DAB1: variants seen among roughly 807,000 people sequenced by gnomAD.
DAB1 encodes the protein DAB adaptor protein 1, also known as disabled homolog 1.
In DAB1, 15 loss-of-function variants were observed where a neutral mutation model predicts 64.6. The ratio of observed to expected loss-of-function variants is 0.23; its 90% confidence interval spans 0.16 to 0.36. The LOEUF (loss-of-function observed/expected upper bound fraction) is 0.36, where lower values mean the gene tolerates loss of function less well. Among genes scored for constraint, DAB1 ranks in the 10% least tolerant of loss-of-function variants. The pLI, the probability that DAB1 is intolerant of heterozygous loss-of-function variation, is 1.00. For synonymous variants in DAB1, 235 were observed against 251.9 expected (o/e 0.93, Z 0.64); for missense variants, 596 against 706.7 (o/e 0.84, Z 1.78).
intron 7 of DAB1, among the ~76,000 whole-genome samples, chr1:57,478,716 C>A (rs1643971488): frequency 6.6e-6 from 1 of 151,450 alleles, no homozygotes; most frequent in Admixed American, 6.6e-5. Flanking sequence ...CCTCAGCCTC[C>A]CAAGTAGCTG....
At chr1:58,227,902 TCTG>T (rs1032694200) in intron 4 of DAB1, among the ~76,000 whole-genome samples, 66 of 152,328 alleles carry the variant, frequency 4.3e-4, no homozygotes, top group African/African-American at 1.6e-3. Context: ...ATTTCCCCCC[TCTG>T]CTGACAACTC....
intron 6 of DAB1, among the ~76,000 whole-genome samples, chr1:57,712,751 A>G (rs553276235): frequency 1.3e-5 from 2 of 152,314 alleles, no homozygotes; most frequent in South Asian, 4.1e-4. Context: ...TCTAACCCAG[A>G]ACATTCATTT....
In DAB1 at chr1:57,889,900, G is replaced by GA. The variant is rs1553139925; in HGVS notation, n.388-5739_388-5738insT. On this transcript the variant is annotated intron_variant and non_coding_transcript_variant, in intron 5 of 20. Transcript: ENST00000485760. Reference sequence around the variant, plus strand: ...CGCAGATGGTAGCACAAACTGGGGCGGGGGGGGGGGAGGGGGAAGAAATCA... The same window carrying GA: ...CGCAGATGGTAGCACAAACTGGGGCGAGGGGGGGGGGAGGGGGAAGAAATCA... 4.6e-3 allele frequency among the ~76,000 whole-genome samples: 279 copies of GA among 60,564 alleles called. 3 individuals carry two copies. The highest frequency in any genetic ancestry group is 0.014 in the African/African-American group (226 of 15,780). 39.7% of individuals were successfully genotyped at this position (60,564 alleles called of 152,430 possible).
At chr1:58,405,604 C>G (rs769761565) in intron 3 of DAB1, among the ~76,000 whole-genome samples, 25 of 152,176 alleles carry the variant, frequency 1.6e-4, no homozygotes, top group Non-Finnish European at 8.8e-5. Context: ...AAGCGATCCA[C>G]CTGCCTCAGC....
intron 1 of DAB1, among the ~76,000 whole-genome samples, chr1:57,356,516 T>C (rs1021590946): frequency 6.6e-6 from 1 of 152,088 alleles, no homozygotes; most frequent in Admixed American, 6.6e-5. Context: ...GTCTTGGTCA[T>C]CCAGCACATA....
intron 5 of DAB1, among the ~76,000 whole-genome samples, chr1:58,089,719 T>C (rs1351092993): frequency 4.6e-5 from 7 of 152,162 alleles, no homozygotes. Context: ...CCTCTTAGTA[T>C]TTATGAAACT....
At chr1:57,458,839 T>C (rs1293588484) in intron 7 of DAB1, among the ~76,000 whole-genome samples, 1 of 152,100 alleles carries the variant, frequency 6.6e-6, no homozygotes, top group East Asian at 1.9e-4. Flanking sequence ...GCAATGTATC[T>C]AAGTAAAAGA....
intron 6 of DAB1, among the ~76,000 whole-genome samples, chr1:57,766,119 G>C (rs1023054943): frequency 6.6e-6 from 1 of 151,888 alleles, no homozygotes; most frequent in Non-Finnish European, 1.5e-5. Context: ...TGTCACCTCT[G>C]TCATCAAAAT....
rs1031680118 is a variant in DAB1 at position 58,417,952 on chromosome 1, G to A, written n.258-74549C>T. 4.6e-5 allele frequency among the ~76,000 whole-genome samples: 7 copies of A among 152,074 alleles called. No individual in the cohort carries two copies. The East Asian group carries it at 7.7e-4, about 17-fold the overall frequency. ...AACTATCACAATCCCTTCAACTCTT[G>A]CTCTTACACTTCTCAGGGCTGGACC... On this transcript the variant is annotated intron_variant and non_coding_transcript_variant, in intron 3 of 20. Coordinates refer to the DAB1 transcript ENST00000485760.
At chr1:57,332,755 G>A (rs1242193250) in intron 1 of DAB1, among the ~76,000 whole-genome samples, 1 of 152,166 alleles carries the variant, frequency 6.6e-6, no homozygotes, top group Admixed American at 6.5e-5. Flanking sequence ...GGAGACTGAG[G>A]CTAGAAAGGG....
intron 4 of DAB1, among the ~76,000 whole-genome samples, chr1:57,097,021 A>C (rs567081): frequency 6.6e-6 from 1 of 151,920 alleles, no homozygotes; most frequent in Non-Finnish European, 1.5e-5. Context: ...CCAAGAAGGC[A>C]GGGGTAATAG....
At chr1:57,861,595 A>G (rs894094064) in intron 1 of DAB1, among the ~76,000 whole-genome samples, 1 of 152,082 alleles carries the variant, frequency 6.6e-6, no homozygotes, top group Non-Finnish European at 1.5e-5. Flanking sequence ...GCCATGTACT[A>G]TTAGGGAAGC....
Position 57,461,446 on chromosome 1 carries a change from T to A in DAB1, n.626-170280A>T, listed in dbSNP as rs1179740315. 2.0e-5 allele frequency among the ~76,000 whole-genome samples: 3 copies of A among 152,212 alleles called. No homozygotes were observed. In the East Asian group the frequency reaches 5.8e-4, roughly 29 times the overall value. On this transcript the variant is annotated intron_variant and non_coding_transcript_variant, in intron 7 of 20. Transcript: ENST00000485760. ...AAAGCAATCCTCAGATGTTCTGACA[T>A]GGCATTACACCCCTCCTCCCTCCAT...
At chr1:57,879,242 A>G (rs1644103907) in intron 1 of DAB1, among the ~76,000 whole-genome samples, 2 of 152,150 alleles carry the variant, frequency 1.3e-5, no homozygotes, top group African/African-American at 4.8e-5. Flanking sequence ...ATTCTGGCCA[A>G]TGGAATATGG....
At chr1:58,416,436 TCC>T (rs113035568) in intron 3 of DAB1, among the ~76,000 whole-genome samples, 80 of 152,260 alleles carry the variant, frequency 5.3e-4, no homozygotes, top group Non-Finnish European at 8.8e-4. Flanking sequence ...GTTGGAAGGC[TCC>T]CATGAGATAT....
intron 4 of DAB1, among the ~76,000 whole-genome samples, chr1:57,108,114 T>C (rs1028728135): frequency 2.0e-5 from 3 of 152,148 alleles, no homozygotes; most frequent in African/African-American, 7.2e-5. Context: ...TTGTAAAGAA[T>C]GACTTTCTGA....
intron 2 of DAB1, among the ~76,000 whole-genome samples, chr1:57,168,824 G>A (rs1760208): frequency 0.01 from 1,551 of 152,296 alleles, 26 homozygotes; most frequent in African/African-American, 0.036. Context: ...GGGAAGCCAA[G>A]GCAAGAGGAT....
intron 1 of DAB1, among the ~76,000 whole-genome samples, chr1:57,302,655 G>A (rs903032227): frequency 2.0e-5 from 3 of 152,006 alleles, no homozygotes; most frequent in Admixed American, 6.5e-5. Flanking sequence ...CCAGGATACA[G>A]TGCAGTGGTA....
chr1:58,479,807 G>T (rs1295769833), intron 3 of DAB1, among the ~76,000 whole-genome samples: 1 of 152,118 alleles, frequency 6.6e-6, no homozygotes, highest in Non-Finnish European at 1.5e-5. Flanking sequence ...CTAGGTGAGA[G>T]ATATTGGATA....
Sources: gnomAD v4.1 joint callset for allele counts (sites outside exome capture counted in the v4.1 genomes callset) on GRCh38, gnomAD v4.1.1 for gene constraint, MANE v1.5 for transcripts, NCBI Gene and HGNC (gene_info 2026-07-23, HGNC 2026-07-21) for gene names.